RNF122: variants seen among roughly 807,000 people sequenced by gnomAD.
RNF122 encodes ring finger protein 122.
Under a neutral mutation model 24.2 loss-of-function variants are expected in RNF122, and 17 were observed. That is an observed-to-expected ratio of 0.70 (90% CI 0.48 to 1.06). The LOEUF is 1.06. Ranked by LOEUF, RNF122 falls within the 50% of genes least tolerant of loss-of-function variation. The pLI, the probability that RNF122 is intolerant of heterozygous loss-of-function variation, is 0.00. For missense variants in RNF122, 168 were observed against 198.1 expected, an observed-to-expected ratio of 0.85 and a Z score of 0.91; for synonymous variants, 65 against 71.8, an observed-to-expected ratio of 0.91 and a Z score of 0.48.
intron 2 of RNF122, among the ~76,000 whole-genome samples, chr8:33,556,656 G>GA (rs1225705176): frequency 6.6e-6 from 1 of 151,986 alleles, no homozygotes; most frequent in Non-Finnish European, 1.5e-5. Context: ...AGAATTCAAG[G>GA]AAAAAAACAG....
Position 33,567,046 on chromosome 8 carries a change from G to A in RNF122, c.-323C>T. Reference sequence around the variant, plus strand: ...CCCGGGCTGCAGAAGCCCTCGGCCGGGGGAGGAGGGAAAAACCTTTGCCGG... The same window carrying A: ...CCCGGGCTGCAGAAGCCCTCGGCCGAGGGAGGAGGGAAAAACCTTTGCCGG... On this transcript the variant is annotated 5_prime_UTR_variant, in exon 1 of 6. Transcript: ENST00000256257. The A allele has an allele frequency of 2.4e-6, 1 of 410,272 alleles. No individual in the cohort carries two copies. The highest frequency in any genetic ancestry group is 2.3e-5 in the South Asian group (1 of 43,060). 25.4% of individuals were successfully genotyped at this position (410,272 alleles called of 1,614,324 possible).
At chr8:33,558,399 C>T (rs975656284) in intron 2 of RNF122, among the ~76,000 whole-genome samples, 3 of 152,112 alleles carry the variant, frequency 2.0e-5, no homozygotes, top group African/African-American at 7.2e-5. Context: ...CCCGTGGTGA[C>T]CTTATATGCT....
intron 1 of RNF122, 34 bp downstream of exon 1, chr8:33,566,665 C>T (rs1225336019): frequency 6.3e-7 from 1 of 1,589,822 alleles, no homozygotes; most frequent in African/African-American, 1.3e-5. Flanking sequence ...CCCACCAGCC[C>T]CACGTAGGCT....
Position 33,566,841 on chromosome 8 carries a change from G to A in RNF122, c.-118C>T. 8.4e-7 allele frequency: 1 copy of A among 1,194,434 alleles called. No homozygotes were observed. The highest frequency in any genetic ancestry group is 1.2e-6 in the Non-Finnish European group (1 of 827,148). 74.0% of individuals were successfully genotyped at this position (1,194,434 alleles called of 1,614,324 possible). A position where few individuals can be genotyped will look rare whatever the true frequency, so the allele number is the denominator to read the frequency against. ...GGCGGGGTCGGGGCAGCGCGCTGCA[G>A]CCGCCCTGCTGGAGAAGCCGAACTC... On this transcript the variant is annotated 5_prime_UTR_variant, in exon 1 of 6. Transcript: ENST00000256257.
At position 33,558,563 on chromosome 8, in the gene RNF122, G is replaced by T. The variant is rs372602994; in HGVS notation, c.182+52C>A. The T allele has an allele frequency of 1.4e-3, 2,074 of 1,496,538 alleles. 47 individuals carry two copies. The South Asian group carries it at 0.026, about 18-fold the overall frequency. The allele number at this position is 1,496,538 out of a possible 1,614,324, so 92.7% of individuals were successfully genotyped here. A position where few individuals can be genotyped will look rare whatever the true frequency, so the allele number is the denominator to read the frequency against. On this transcript the variant is annotated intron_variant, in intron 2 of 5. Transcript: ENST00000256257. Reference sequence around the variant, plus strand: ...TCGCTCAGCTTACCCCACAACCCTGGTCTCCTCCCTCCTGCTGGACTCCCA... The same window carrying T: ...TCGCTCAGCTTACCCCACAACCCTGTTCTCCTCCCTCCTGCTGGACTCCCA...
chr8:33,560,509 G>C (rs1185543542), intron 1 of RNF122, among the ~76,000 whole-genome samples: 1 of 151,960 alleles, frequency 6.6e-6, no homozygotes, highest in Non-Finnish European at 1.5e-5. Flanking sequence ...CAAAGGGCTG[G>C]GACTATAAGC....
At chr8:33,550,418 C>T (rs1341173296) in intron 4 of RNF122, among the ~76,000 whole-genome samples, 2 of 152,186 alleles carry the variant, frequency 1.3e-5, no homozygotes, top group Non-Finnish European at 2.9e-5. Context: ...TGCTCCCAGA[C>T]AACCACAAAC....
rs907884550 is a variant in RNF122, at chr8:33,566,844, G to T, written c.-121C>A. ...GGGGTCGGGGCAGCGCGCTGCAGCC[G>T]CCCTGCTGGAGAAGCCGAACTCCCT... On this transcript the variant is annotated 5_prime_UTR_variant, in exon 1 of 6. Coordinates refer to ENST00000256257, the MANE Select transcript of RNF122 (RefSeq NM_024787.3). 8.6e-7 allele frequency: 1 copy of T among 1,168,492 alleles called. No individual in the cohort carries two copies. Among genetic ancestry groups the T allele is most frequent in the Non-Finnish European group, 1.2e-6 (1 of 804,286 alleles). 72.4% of individuals were successfully genotyped at this position (1,168,492 alleles called of 1,614,324 possible).
intron 4 of RNF122, 29 bp from the exon 5 acceptor site, chr8:33,549,521 G>A: frequency 2.0e-6 from 3 of 1,532,994 alleles, no homozygotes; most frequent in African/African-American, 1.4e-5. Flanking sequence ...AGGTGTGTGA[G>A]GAACTGGGGA....
rs987387800 is a variant in RNF122, at chr8:33,553,919, G to A, written c.183-2530C>T. 6.6e-5 allele frequency among the ~76,000 whole-genome samples: 10 copies of A among 152,170 alleles called. 1 individual carries two copies. The highest frequency in any genetic ancestry group is 3.9e-4 in the Admixed American group (6 of 15,270). ...TGGGCACTGGGGCAGCCCATCCACC[G>A]TCCCCTCCCCTCCCACCTCTCCCCA... On this transcript the variant is annotated intron_variant, in intron 2 of 5. Coordinates refer to ENST00000256257, the MANE Select transcript of RNF122 (RefSeq NM_024787.3).
intron 2 of RNF122, among the ~76,000 whole-genome samples, chr8:33,554,304 T>C (rs1367725167): frequency 6.6e-6 from 1 of 152,344 alleles, no homozygotes; most frequent in African/African-American, 2.4e-5. Flanking sequence ...GTGATTGCTA[T>C]GCATCTTTGA....
At position 33,566,842 on chromosome 8, in the gene RNF122, C is replaced by T. The variant is rs1185219391; in HGVS notation, c.-119G>A. 6.7e-6 allele frequency: 8 copies of T among 1,188,426 alleles called. No individual in the cohort carries two copies. Among genetic ancestry groups the T allele is most frequent in the Non-Finnish European group, 9.7e-6 (8 of 822,298 alleles). The allele number at this position is 1,188,426 out of a possible 1,614,324, so 73.6% of individuals were successfully genotyped here. On this transcript the variant is annotated 5_prime_UTR_variant, in exon 1 of 6. Transcript: ENST00000256257. ...GCGGGGTCGGGGCAGCGCGCTGCAG[C>T]CGCCCTGCTGGAGAAGCCGAACTCC... is the stretch of plus-strand genomic sequence containing the variant.
intron 1 of RNF122, 120 bp from the exon 2 acceptor site, chr8:33,558,891 G>T: frequency 1.5e-6 from 1 of 645,440 alleles, no homozygotes; most frequent in Non-Finnish European, 2.4e-6. Flanking sequence ...CAGATTCAGT[G>T]GCTCCAGTTT....
chr8:33,557,352 G>C (rs563872815), intron 2 of RNF122, among the ~76,000 whole-genome samples: 2 of 152,212 alleles, frequency 1.3e-5, no homozygotes, highest in East Asian at 3.9e-4. Flanking sequence ...ACCAGAGGCC[G>C]AGCACGAGGG....
intron 4 of RNF122, among the ~76,000 whole-genome samples, chr8:33,550,596 T>C (rs1018336084): frequency 6.6e-6 from 1 of 151,994 alleles, no homozygotes; most frequent in African/African-American, 2.4e-5. Context: ...GGGAGAGAAA[T>C]GGCAGAGCCA....
chr8:33,553,453 G>C (rs1257766465), intron 2 of RNF122, among the ~76,000 whole-genome samples: 3 of 152,022 alleles, frequency 2.0e-5, no homozygotes, highest in Non-Finnish European at 4.4e-5. Flanking sequence ...CTGTAGTCCT[G>C]GCTACTTGGG....
rs1392499435 is a variant in RNF122 at position 33,547,756 on chromosome 8, G to A, written c.*997C>T. 6.6e-6 allele frequency: 1 copy of A among 151,768 alleles called. No homozygotes were observed. The highest frequency in any genetic ancestry group is 6.6e-5 in the Admixed American group (1 of 15,190). 9.4% of individuals were successfully genotyped at this position (151,768 alleles called of 1,614,324 possible). On this transcript the variant is annotated 3_prime_UTR_variant, in exon 6 of 6. Transcript: ENST00000256257. ...GCAGCCACAACCACAAGCAAAAGTA[G>A]GTTAGAGAAACTTGTTATTAAATTT... is the stretch of plus-strand genomic sequence containing the variant.
In RNF122 at chr8:33,548,540, A is replaced by G. The variant is rs1810322072; in HGVS notation, c.*213T>C. 8 of 494,286 alleles carry G rather than the reference A, an allele frequency of 1.6e-5. No homozygotes were observed. In the South Asian group the frequency reaches 2.5e-4, roughly 15 times the overall value. The allele number at this position is 494,286 out of a possible 1,614,324, so 30.6% of individuals were successfully genotyped here. On this transcript the variant is annotated 3_prime_UTR_variant, in exon 6 of 6. Transcript: ENST00000256257. ...TTGATGGGTGAGGCCACCAGCATGG[A>G]GTAGCAGGGAAGAAGGCTTCAGGAG...
At chr8:33,557,301 TA>T (rs1810467612) in intron 2 of RNF122, among the ~76,000 whole-genome samples, 1 of 152,178 alleles carries the variant, frequency 6.6e-6, no homozygotes. Flanking sequence ...ATTCCCATTC[TA>T]AATACCAGTC....
Sources: allele counts gnomAD v4.1 joint callset (sites outside exome capture counted in the v4.1 genomes callset), GRCh38; gene constraint gnomAD v4.1.1; transcripts MANE v1.5; gene names NCBI Gene and HGNC (gene_info 2026-07-23, HGNC 2026-07-21).